LRRC37A2: variants seen among roughly 807,000 people sequenced by gnomAD.
LRRC37A2 encodes the protein leucine-rich repeat-containing protein 37A2.
In LRRC37A2, 9 loss-of-function variants were observed where a neutral mutation model predicts 68.8. The ratio of observed to expected loss-of-function variants is 0.13; its 90% CI spans 0.08 to 0.23. The LOEUF is 0.23. Among genes scored for constraint, LRRC37A2 ranks in the 10% least tolerant of loss-of-function variants. The probability of loss-of-function intolerance (pLI) is 1.00; values close to 1 mark genes in which losing one functional copy is unlikely to be tolerated. For missense variants in LRRC37A2, 168 were observed against 950.4 expected (o/e 0.18, Z 10.82); for synonymous variants, 63 against 367.6 (o/e 0.17, Z 9.48).
At chr17:46,908,446 C>A in the LRRC37A2 span, among the ~76,000 whole-genome samples, 5 of 152,204 alleles carry the variant, frequency 3.3e-5, no homozygotes, top group African/African-American at 4.8e-5. Flanking sequence ...GGGCCCCTGA[C>A]TGCCTGGCCT....
chr17:46,532,212 T>G (rs2053763145), intron 6 of LRRC37A2, among the ~76,000 whole-genome samples: 1 of 148,500 alleles, frequency 6.7e-6, no homozygotes, highest in East Asian at 2.0e-4. Flanking sequence ...AAATGAAAAC[T>G]TTTTCACTCA....
chr17:47,015,524 G>C, the LRRC37A2 span, among the ~76,000 whole-genome samples: 2 of 152,010 alleles, frequency 1.3e-5, no homozygotes, highest in East Asian at 3.9e-4. Flanking sequence ...TAGCACAATG[G>C]TGAAATCACC....
the LRRC37A2 span, among the ~76,000 whole-genome samples, chr17:47,026,509 G>C: frequency 6.6e-6 from 1 of 152,186 alleles, no homozygotes; most frequent in African/African-American, 2.4e-5. Flanking sequence ...TGCATCTTCA[G>C]TAACTTCCCA....
the LRRC37A2 span, chr17:46,935,779 C>A: frequency 1.0e-6 from 1 of 984,360 alleles, no homozygotes; most frequent in Non-Finnish European, 1.2e-6. Flanking sequence ...AGACTCCAGC[C>A]CCTGGGAGTG....
chr17:46,831,190 C>T, the LRRC37A2 span, among the ~76,000 whole-genome samples: 1 of 152,268 alleles, frequency 6.6e-6, no homozygotes, highest in Middle Eastern at 3.4e-3. Flanking sequence ...AGTCAGGGTG[C>T]GCTGTAAGTG....
the LRRC37A2 span, among the ~76,000 whole-genome samples, chr17:46,913,054 C>A: frequency 1.3e-5 from 2 of 152,230 alleles, no homozygotes; most frequent in African/African-American, 4.8e-5. Context: ...ACAGAACGAG[C>A]CACGGCTGTC....
the LRRC37A2 span, among the ~76,000 whole-genome samples, chr17:46,852,288 G>A: frequency 6.6e-6 from 1 of 152,196 alleles, no homozygotes; most frequent in Non-Finnish European, 1.5e-5. Context: ...AGCGCCAGCT[G>A]GAGACGCAGG....
At chr17:46,848,861 T>C in the LRRC37A2 span, among the ~76,000 whole-genome samples, 5 of 152,260 alleles carry the variant, frequency 3.3e-5, no homozygotes, top group African/African-American at 4.8e-5. Flanking sequence ...GGAGTTATGA[T>C]TGTCCCAGCC....
At chr17:46,845,485 ATTT>A in the LRRC37A2 span, among the ~76,000 whole-genome samples, 7 of 121,360 alleles carry the variant, frequency 5.8e-5, no homozygotes, top group Admixed American at 1.8e-4. Context: ...AGTTATCTGA[ATTT>A]TTTTTTTTTT....
At chr17:46,815,547 G>A in the LRRC37A2 span, among the ~76,000 whole-genome samples, 8 of 152,194 alleles carry the variant, frequency 5.3e-5, no homozygotes, top group African/African-American at 1.7e-4. Flanking sequence ...ACTGCCAGGC[G>A]GGGGGCTGGG....
At chr17:46,424,631 GATA>G in the LRRC37A2 span, among the ~76,000 whole-genome samples, 1 of 112,068 alleles carries the variant, frequency 8.9e-6, no homozygotes, top group East Asian at 2.3e-4. Flanking sequence ...TTAATTGACA[GATA>G]ATAATTGTAT....
the LRRC37A2 span, among the ~76,000 whole-genome samples, chr17:46,490,313 A>G: frequency 6.6e-6 from 1 of 151,290 alleles, no homozygotes; most frequent in East Asian, 1.9e-4. Context: ...GTGGCCGGCC[A>G]TAGTTTGTTC....
the LRRC37A2 span, among the ~76,000 whole-genome samples, chr17:46,954,205 C>T: frequency 6.6e-4 from 100 of 152,210 alleles, 3 homozygotes; most frequent in South Asian, 0.02. Context: ...CTTGAATTAA[C>T]TTTTGTATAA....
the LRRC37A2 span, chr17:46,923,259 G>A: frequency 6.4e-7 from 1 of 1,550,516 alleles, no homozygotes; most frequent in Non-Finnish European, 8.7e-7. Flanking sequence ...GGCTAGACGA[G>A]GCGAGGCCAG....
intron 6 of LRRC37A2, among the ~76,000 whole-genome samples, chr17:46,532,057 C>A (rs2053726480): frequency 6.7e-6 from 1 of 150,296 alleles, no homozygotes; most frequent in African/African-American, 2.5e-5. Flanking sequence ...ACACTCAAGC[C>A]TGGGCAACAG....
At chr17:46,758,071 C>T in the LRRC37A2 span, among the ~76,000 whole-genome samples, 3 of 152,110 alleles carry the variant, frequency 2.0e-5, no homozygotes, top group African/African-American at 7.2e-5. Context: ...AGGAGGGTTG[C>T]CACTCAATTA....
At chr17:46,568,495 T>TAAA in the LRRC37A2 span, among the ~76,000 whole-genome samples, 5 of 103,444 alleles carry the variant, frequency 4.8e-5, no homozygotes, top group Non-Finnish European at 7.6e-5. Context: ...AATAAGCAGT[T>TAAA]AAAAAAAAAA....
the LRRC37A2 span, among the ~76,000 whole-genome samples, chr17:46,883,942 C>A: frequency 6.6e-6 from 1 of 152,204 alleles, no homozygotes; most frequent in Non-Finnish European, 1.5e-5. Context: ...TCTCTTGGGC[C>A]CATTAGTGTG....
At chr17:46,823,144 A>ATATATATTTATATATTATATAT in the LRRC37A2 span, among the ~76,000 whole-genome samples, 4 of 128,832 alleles carry the variant, frequency 3.1e-5, 1 homozygote, top group East Asian at 4.2e-4. Context: ...ATATTATATT[A>ATATATATTTATATATTATATAT]TATATATTTA....
Sources: gnomAD v4.1 joint callset for allele counts (sites outside exome capture counted in the v4.1 genomes callset) on GRCh38, gnomAD v4.1.1 for gene constraint, MANE v1.5 for transcripts, NCBI Gene and HGNC (gene_info 2026-07-23, HGNC 2026-07-21) for gene names.